Variants in CYLC2 observed in about 807,000 individuals in gnomAD.
CYLC2 encodes cylicin 2.
CYLC2 carries 30 observed loss-of-function variants against 26.1 expected under a neutral mutation model. The observed-to-expected ratio is 1.15, with a 90% CI of 0.86 to 1.56. CYLC2 has a LOEUF of 1.56. Ranked by LOEUF, CYLC2 falls within the 40% of genes most tolerant of loss-of-function variation. The pLI is 0.00. For missense variants in CYLC2, 498 were observed against 394.4 expected, an observed-to-expected ratio of 1.26 and a Z score of -2.23; for synonymous variants, 158 against 132.8, an observed-to-expected ratio of 1.19 and a Z score of -1.31.
intron 3 of CYLC2, 24 bp downstream of exon 3, chr9:103,003,287 A>G: frequency 6.3e-7 from 1 of 1,584,428 alleles, no homozygotes; most frequent in Non-Finnish European, 8.6e-7. Context: ...AGATTTTATA[A>G]TTATCAGTAA....
chr9:102,999,808 G>A (rs887679425), intron 1 of CYLC2, among the ~76,000 whole-genome samples: 2 of 151,874 alleles, frequency 1.3e-5, no homozygotes, highest in African/African-American at 4.8e-5. Context: ...ATTCTGGAAA[G>A]TAAACCAGAT....
At chr9:103,003,076 A>G in intron 2 of CYLC2, 66 bp from the exon 3 acceptor site, 1 of 1,585,692 alleles carries the variant, frequency 6.3e-7, no homozygotes, top group Non-Finnish European at 8.6e-7. Flanking sequence ...GTTGCACGTA[A>G]TGCCATTTCA....
chr9:102,999,161 T>C (rs1829264591), intron 1 of CYLC2, among the ~76,000 whole-genome samples: 1 of 151,834 alleles, frequency 6.6e-6, no homozygotes, highest in South Asian at 2.1e-4. Context: ...CTTATGCAGC[T>C]TTTATATGTA....
chr9:102,999,154 A>T (rs1482372940), intron 1 of CYLC2, among the ~76,000 whole-genome samples: 5 of 151,754 alleles, frequency 3.3e-5, no homozygotes, highest in Admixed American at 3.3e-4. Flanking sequence ...TAATTCACTT[A>T]TGCAGCTTTT....
In CYLC2 at chr9:103,014,421, A is replaced by AAC. The variant is rs1564101107; in HGVS notation, c.*816+2325_*816+2326insCA. ...TAATGTATGTTACGTAATGTAACAT[A>AAC]ATAACATAATGTATATTACATAATA... On this transcript the variant is annotated intron_variant, in intron 6 of 7. Transcript: ENST00000374798. 7.4e-3 allele frequency among the ~76,000 whole-genome samples: 473 copies of AAC among 64,098 alleles called. 18 individuals carry two copies. Among genetic ancestry groups the AAC allele is most frequent in the African/African-American group, 0.023 (387 of 16,668 alleles). The allele number at this position is 64,098 out of a possible 152,430, so 42.1% of individuals were successfully genotyped here.
chr9:103,013,919 T>TA, intron 6 of CYLC2, among the ~76,000 whole-genome samples: 2 of 92,888 alleles, frequency 2.2e-5, no homozygotes, highest in Non-Finnish European at 4.2e-5. Context: ...TATTATACAT[T>TA]ATATATCATA....
At position 103,016,936 on chromosome 9, in the gene CYLC2, G is replaced by A. The variant is rs907067849; in HGVS notation, c.*865G>A. On this transcript the variant is annotated 3_prime_UTR_variant, in exon 7 of 8. Transcript: ENST00000374798. ...TTGCTGGAGAAAGTTATCACAAGTG[G>A]AAAGGTTACCCTAGAAACAAAAGAT... 5 of 151,914 alleles carry A rather than the reference G, an allele frequency of 3.3e-5. No individual in the cohort carries two copies. The highest frequency in any genetic ancestry group is 7.4e-5 in the Non-Finnish European group (5 of 67,960). 9.4% of individuals were successfully genotyped at this position (151,914 alleles called of 1,614,324 possible). A position where few individuals can be genotyped will look rare whatever the true frequency, so the allele number is the denominator to read the frequency against.
At position 103,010,211 on chromosome 9, in the gene CYLC2, T is replaced by C. The variant is rs138215704; in HGVS notation, c.*701-1771T>C. 9.9e-5 allele frequency among the ~76,000 whole-genome samples: 15 copies of C among 152,110 alleles called. No individual in the cohort carries two copies. The East Asian group carries it at 2.9e-3, about 29-fold the overall frequency. ...TATACCAAGTTAATTATGTACCAAG[T>C]GAAAAGTTTTATACCAAATTACTTT... On this transcript the variant is annotated intron_variant, in intron 5 of 7. Transcript: ENST00000374798.
chr9:103,015,459 T>G (rs1289544455), intron 6 of CYLC2, among the ~76,000 whole-genome samples: 1 of 137,998 alleles, frequency 7.2e-6, no homozygotes, highest in Admixed American at 7.9e-5. Context: ...ATATATTATA[T>G]AATTATAATA....
chr9:103,004,735 C>G lies in CYLC2; in HGVS notation c.221C>G (p.Pro74Arg). The change falls in exon 4 of 8, where the codon CCA (proline) becomes CGA (arginine). Residue 74 changes from proline (P) to arginine (R), a missense_variant. By Grantham distance (103) the Pro-to-Arg change is moderately radical (BLOSUM62 -2). Coordinates refer to ENST00000374798, the MANE Select transcript of CYLC2 (RefSeq NM_001340.5). ...EEQLRGDRRQPLWMYRSLMRI... is the reference protein window; with the variant it reads ...EEQLRGDRRQRLWMYRSLMRI... Reference sequence around the variant, plus strand: ...CAATTAAGAGGAGATCGTAGACAACCATTATGGATGTACCGTTCTTTAATG... The same window carrying G: ...CAATTAAGAGGAGATCGTAGACAACGATTATGGATGTACCGTTCTTTAATG... The G allele has an allele frequency of 1.2e-6, 2 of 1,605,530 alleles. No individual in the cohort carries two copies. Among genetic ancestry groups the G allele is most frequent in the Non-Finnish European group, 1.7e-6 (2 of 1,176,862 alleles).
At chr9:103,002,357 C>CTT (rs61123272) in intron 2 of CYLC2, among the ~76,000 whole-genome samples, 5 of 77,620 alleles carry the variant, frequency 6.4e-5, no homozygotes, top group Non-Finnish European at 1.2e-4. Context: ...CATTTGCCCC[C>CTT]TTTTTTTTTT....
intron 1 of CYLC2, 71 bp from the exon 2 acceptor site, chr9:103,001,507 T>TAA (rs1221037729): frequency 1.1e-6 from 1 of 905,394 alleles, no homozygotes; most frequent in East Asian, 2.6e-5. Flanking sequence ...GGTACTGGAG[T>TAA]AAAATAATGA....
At chr9:103,014,940 C>A (rs1430740376) in intron 6 of CYLC2, among the ~76,000 whole-genome samples, 1 of 128,034 alleles carries the variant, frequency 7.8e-6, no homozygotes, top group Non-Finnish European at 1.6e-5. Context: ...ATGTAGTATA[C>A]ATAATACATG....
At chr9:103,008,558 C>T (rs1829375050) in intron 5 of CYLC2, among the ~76,000 whole-genome samples, 1 of 151,984 alleles carries the variant, frequency 6.6e-6, no homozygotes. Context: ...CTGTTGACAT[C>T]CCTCCAGCAA....
Position 103,005,644 on chromosome 9 carries a change from A to T in CYLC2, c.1013A>T (p.Asp338Val), listed in dbSNP as rs756460777. 3.1e-6 allele frequency: 5 copies of T among 1,612,382 alleles called. No individual in the cohort carries two copies. The South Asian group carries it at 5.5e-5, about 18-fold the overall frequency. ...KKDAKKNAKK[D>V]EKKDAKKKGK Reference sequence around the variant, plus strand: ...GATGCAAAGAAGAATGCAAAGAAGGATGAAAAGAAGGATGCAAAGAAGAAG... The same window carrying T: ...GATGCAAAGAAGAATGCAAAGAAGGTTGAAAAGAAGGATGCAAAGAAGAAG... Residue 338 changes from aspartate (D) to valine (V), a missense_variant, in exon 5 of 8, where the codon GAT (aspartate) becomes GTT (valine). Transcript: ENST00000374798.
rs1466010542 is a variant in CYLC2 at position 103,005,291 on chromosome 9, T to TAGCAAAA, written c.661_662insGCAAAAA (p.Lys221SerfsTer23). On this transcript the variant is annotated frameshift_variant, in exon 5 of 8. Transcript: ENST00000374798. LOFTEE classifies it low-confidence loss of function (END_TRUNC). ...GTACAGAGAAAGATAGCAAAAAAGGTAAAAAGGATTCAAAGAAGGGCAAGG... is the reference window on the plus strand; with the variant it reads ...GTACAGAGAAAGATAGCAAAAAAGGTAGCAAAAAAAAAGGATTCAAAGAAGGGCAAGG... The TAGCAAAA allele has an allele frequency of 1.2e-6, 2 of 1,612,544 alleles. No individual in the cohort carries two copies. Among genetic ancestry groups the TAGCAAAA allele is most frequent in the Non-Finnish European group, 1.7e-6 (2 of 1,179,578 alleles).
chr9:103,014,951 T>C (rs1587856531), intron 6 of CYLC2, among the ~76,000 whole-genome samples: 1 of 140,658 alleles, frequency 7.1e-6, no homozygotes, highest in African/African-American at 2.5e-5. Flanking sequence ...ATAATACATG[T>C]AATATACATA....
chr9:103,001,019 G>A (rs10990416), intron 1 of CYLC2, among the ~76,000 whole-genome samples: 96,199 of 151,492 alleles, frequency 0.64, 30,863 homozygotes, highest in South Asian at 0.82. Flanking sequence ...AATTCCTTAC[G>A]AATTTTTGTG....
At chr9:103,013,854 GTATTATA>G (rs1157049791) in intron 6 of CYLC2, among the ~76,000 whole-genome samples, 3 of 86,366 alleles carry the variant, frequency 3.5e-5, no homozygotes, top group African/African-American at 1.3e-4. Flanking sequence ...ATAATACAAT[GTATTATA>G]TATTATATAT....
Sources: allele counts gnomAD v4.1 joint callset (sites outside exome capture counted in the v4.1 genomes callset), GRCh38; gene constraint gnomAD v4.1.1; transcripts MANE v1.5; gene names NCBI Gene and HGNC (gene_info 2026-07-23, HGNC 2026-07-21).